The following INVS variants were observed in gnomAD, a reference collection of about 807,000 sequenced individuals.
INVS encodes the protein inversin, also known as inversion of embryo turning homolog.
Under a neutral mutation model 108.8 loss-of-function variants are expected in INVS, and 86 were observed. The observed-to-expected ratio is 0.79, with a 90% CI of 0.66 to 0.95. The LOEUF is 0.95. Ranked by LOEUF, INVS falls within the 40% of genes least tolerant of loss-of-function variation. The pLI, the probability that INVS is intolerant of heterozygous loss-of-function variation, is 0.00. For missense variants in INVS, 1,169 were observed against 1,297.4 expected, an observed-to-expected ratio of 0.90 and a Z score of 1.52; for synonymous variants, 455 against 473.5, an observed-to-expected ratio of 0.96 and a Z score of 0.51.
At chr9:100,112,959 A>G (rs765368122) in intron 2 of INVS, among the ~76,000 whole-genome samples, 1 of 152,210 alleles carries the variant, frequency 6.6e-6, no homozygotes, top group Non-Finnish European at 1.5e-5. Flanking sequence ...AGCTACTACT[A>G]TCTTTGCTTA....
At position 100,283,830 on chromosome 9, in the gene INVS, C is replaced by T. The variant is rs192953270; in HGVS notation, c.1785-490C>T. ...CTCACAGGTGTGTTTTAATCACTGG[C>T]AAGGTACTTTGCAAGTGACTTTTTA... On this transcript the variant is annotated intron_variant, in intron 12 of 16. Coordinates refer to ENST00000262457, the MANE Select transcript of INVS (RefSeq NM_014425.5). 1.7e-4 allele frequency among the ~76,000 whole-genome samples: 26 copies of T among 152,258 alleles called. 1 individual carries two copies. In the East Asian group the frequency reaches 4.8e-3, roughly 28 times the overall value.
rs1206942379 is a variant in INVS at position 100,240,171 on chromosome 9, T to C, written c.727T>C (p.Tyr243His). The C allele has an allele frequency of 3.7e-6, 6 of 1,613,842 alleles. No individual in the cohort carries two copies. Among genetic ancestry groups the C allele is most frequent in the East Asian group, 4.5e-5 (2 of 44,880 alleles). The part of the protein sequence containing the change: ...NVTVVDVLTS[Y>H]ESCNITSYDN... Reference sequence around the variant, plus strand: ...GACCGTGGTTGATGTCTTGACCTCATATGAAAGCTGCAATATAACGTCTTA... The same window carrying C: ...GACCGTGGTTGATGTCTTGACCTCACATGAAAGCTGCAATATAACGTCTTA... Residue 243 changes from tyrosine (Y) to histidine (H), a missense_variant, in exon 6 of 17, where the codon TAT becomes CAT. Tyr to His is a moderately conservative substitution (Grantham distance 83, BLOSUM62 2). Around this residue, in one of 3 missense-constraint regions of INVS, gnomAD observed 365 missense variants for 397.5 expected, o/e 0.92. Coordinates refer to ENST00000262457, the MANE Select transcript of INVS (RefSeq NM_014425.5).
chr9:100,253,569 C>A (rs1564177343), intron 10 of INVS, among the ~76,000 whole-genome samples: 1 of 152,050 alleles, frequency 6.6e-6, no homozygotes, highest in East Asian at 1.9e-4. Flanking sequence ...CCCTGCTTCC[C>A]CCATCCCACA....
intron 2 of INVS, among the ~76,000 whole-genome samples, chr9:100,124,353 C>G (rs962622661): frequency 1.3e-5 from 2 of 151,772 alleles, no homozygotes; most frequent in African/African-American, 4.8e-5. Context: ...TAAAAATCAC[C>G]TCTACATAAA....
intron 3 of INVS, among the ~76,000 whole-genome samples, chr9:100,173,313 T>C (rs1474399689): frequency 1.3e-5 from 2 of 152,158 alleles, no homozygotes; most frequent in African/African-American, 2.4e-5. Context: ...CTGGGTGAGT[T>C]TCCACTTTTA....
At chr9:100,182,971 C>A (rs570499953) in intron 3 of INVS, among the ~76,000 whole-genome samples, 1 of 152,174 alleles carries the variant, frequency 6.6e-6, no homozygotes, top group South Asian at 2.1e-4. Flanking sequence ...CATGTCCTTT[C>A]CAGGGACATG....
intron 12 of INVS, among the ~76,000 whole-genome samples, chr9:100,273,520 C>T (rs1833017773): frequency 7.0e-6 from 1 of 142,334 alleles, no homozygotes; most frequent in Admixed American, 7.3e-5. Flanking sequence ...TTTTTTTCCA[C>T]TCAGTTCTTT....
intron 3 of INVS, among the ~76,000 whole-genome samples, chr9:100,201,852 A>T (rs1170216601): frequency 2.0e-5 from 3 of 152,224 alleles, no homozygotes; most frequent in African/African-American, 7.2e-5. Context: ...GACTAGAGAC[A>T]TGCACTATGG....
At chr9:100,100,890 ATATATTATATATG>A in intron 1 of INVS, among the ~76,000 whole-genome samples, 1 of 56,974 alleles carries the variant, frequency 1.8e-5, no homozygotes, top group African/African-American at 8.6e-5. Context: ...TATATATAAT[ATATATTATATATG>A]TATATATATT....
At chr9:100,187,823 T>C (rs917192515) in intron 3 of INVS, among the ~76,000 whole-genome samples, 2 of 152,184 alleles carry the variant, frequency 1.3e-5, no homozygotes, top group Non-Finnish European at 2.9e-5. Context: ...TCCAGCCTCA[T>C]CTATGATTTC....
At chr9:100,179,436 T>A in intron 3 of INVS, among the ~76,000 whole-genome samples, 1 of 149,644 alleles carries the variant, frequency 6.7e-6, no homozygotes, top group African/African-American at 2.5e-5. Context: ...AATAAAGGGA[T>A]AGAGGAATAT....
intron 3 of INVS, among the ~76,000 whole-genome samples, chr9:100,176,875 C>T (rs1170791115): frequency 1.3e-5 from 2 of 151,982 alleles, no homozygotes; most frequent in Non-Finnish European, 1.5e-5. Context: ...TACTATAGCC[C>T]CTAATTGGTT....
chr9:100,254,894 A>C (rs991038908), intron 10 of INVS, among the ~76,000 whole-genome samples: 3 of 152,186 alleles, frequency 2.0e-5, no homozygotes, highest in Non-Finnish European at 2.9e-5. Flanking sequence ...TGTCTTGGCA[A>C]TGCGGGCTCT....
Position 100,139,001 on chromosome 9 carries a change from C to T in INVS, c.273+12452C>T, listed in dbSNP as rs138189961. On this transcript the variant is annotated intron_variant, in intron 3 of 16. Transcript: ENST00000262457. The stretch of plus-strand genomic sequence containing the variant: ...GATTACAGGCGTGAGCCACCGCGCC[C>T]GGCCTTATTGATGGTTTTCCTTGTC... 1.8e-3 allele frequency among the ~76,000 whole-genome samples: 272 copies of T among 152,178 alleles called. 1 individual carries two copies. The highest frequency in any genetic ancestry group is 5.9e-3 in the African/African-American group (247 of 41,540).
At chr9:100,110,400 C>CT (rs1827306215) in intron 2 of INVS, among the ~76,000 whole-genome samples, 1 of 152,158 alleles carries the variant, frequency 6.6e-6, no homozygotes, top group African/African-American at 2.4e-5. Context: ...AGAGTCCATT[C>CT]TTTTAACTGC....
At chr9:100,253,393 A>G (rs1415518745) in intron 10 of INVS, among the ~76,000 whole-genome samples, 2 of 148,606 alleles carry the variant, frequency 1.3e-5, no homozygotes, top group Non-Finnish European at 3.0e-5. Context: ...GTATGCATCT[A>G]TAAACATAAA....
At chr9:100,154,188 G>A (rs1373231328) in intron 3 of INVS, among the ~76,000 whole-genome samples, 14 of 152,162 alleles carry the variant, frequency 9.2e-5, no homozygotes, top group Admixed American at 9.2e-4. Flanking sequence ...TTTTGAGACA[G>A]GATCTCACTC....
intron 11 of INVS, among the ~76,000 whole-genome samples, chr9:100,266,149 A>G (rs1417823042): frequency 6.6e-6 from 1 of 152,134 alleles, no homozygotes; most frequent in Non-Finnish European, 1.5e-5. Flanking sequence ...ATCTAGGAAG[A>G]TTCTTATAAT....
chr9:100,210,495 G>A (rs991325787), intron 3 of INVS, among the ~76,000 whole-genome samples: 1 of 152,158 alleles, frequency 6.6e-6, no homozygotes, highest in Non-Finnish European at 1.5e-5. Flanking sequence ...GTAATCCTAA[G>A]TTAAGATCCT....
Sources: allele counts gnomAD v4.1 joint callset (sites outside exome capture counted in the v4.1 genomes callset), GRCh38; gene constraint gnomAD v4.1.1; regional missense constraint gnomAD v4.1.1; transcripts MANE v1.5; gene names NCBI Gene and HGNC (gene_info 2026-07-23, HGNC 2026-07-21).